The following MDN1 variants were observed in gnomAD, a reference collection of about 807,000 sequenced individuals.
MDN1 encodes midasin.
MDN1 carries 266 observed loss-of-function variants against 669.2 expected under a neutral mutation model. The ratio of observed to expected loss-of-function variants is 0.40; its 90% CI spans 0.36 to 0.44. The LOEUF is 0.44. Among genes scored for constraint, MDN1 ranks in the 20% least tolerant of loss-of-function variants. The probability of loss-of-function intolerance (pLI) is 1.00; values close to 1 mark genes in which losing one functional copy is unlikely to be tolerated. For missense variants in MDN1, 5,940 were observed against 6,754.0 expected, an observed-to-expected ratio of 0.88 and a Z score of 4.22; for synonymous variants, 2,385 against 2,457.1, an observed-to-expected ratio of 0.97 and a Z score of 0.87.
rs1382199438 is a variant in MDN1 at position 89,674,389 on chromosome 6, C to A, written c.12962G>T (p.Gly4321Val). Residue 4321 changes from glycine (G) to valine (V), a missense_variant, in exon 79 of 102, where the codon GGC becomes GTC. By Grantham distance (109) the Gly-to-Val change is moderately radical. Around this residue, in one of 5 missense-constraint regions of MDN1, gnomAD observed 2,280 missense variants for 2,576.3 expected, o/e 0.88. Coordinates refer to ENST00000369393, the MANE Select transcript of MDN1 (RefSeq NM_014611.3). ...AGGCTGCCCCAGTACCTGGACATTG[C>A]CATGGCCTGGAGCTGGCCCTACACT... ...CPSVGPAPGH[G>V]NVQVLGQPPG... The A allele has an allele frequency of 6.2e-7, 1 of 1,614,198 alleles. No homozygotes were observed. Among genetic ancestry groups the A allele is most frequent in the Admixed American group, 1.7e-5 (1 of 60,024 alleles).
chr6:89,648,191 G>A lies in MDN1; in HGVS notation c.16281-45C>T, dbSNP rs1226514254. ...ATACAACAGGAGTTATTTTTTGGCT[G>A]TGTGATCAAAATAACCAAACAGGTT... On this transcript the variant is annotated intron_variant, in intron 98 of 101. Transcript: ENST00000369393. 3.1e-6 allele frequency: 5 copies of A among 1,605,870 alleles called. No homozygotes were observed. In the African/African-American group the frequency reaches 4.0e-5, roughly 13 times the overall value.
rs1462658186 is a variant in MDN1 at position 89,680,753 on chromosome 6, T to C, written c.12103-2A>G. On this transcript the variant is annotated splice_acceptor_variant, in intron 73 of 101. Transcript: ENST00000369393. LOFTEE classifies it high-confidence loss of function. ...CTGACACCACTCTGGAATTGTGGCC[T>C]GTGAGACAAAAGACAGGTTAGCCTC... The C allele has an allele frequency of 6.2e-7, 1 of 1,613,204 alleles. No homozygotes were observed. Among genetic ancestry groups the C allele is most frequent in the Non-Finnish European group, 8.5e-7 (1 of 1,179,642 alleles).
At chr6:89,758,438 G>T in intron 18 of MDN1, 87 bp from the exon 19 acceptor site, 1 of 1,065,844 alleles carries the variant, frequency 9.4e-7, no homozygotes, top group East Asian at 2.6e-5. Context: ...GATGCTGGCT[G>T]CTCACACCAT....
chr6:89,723,450 G>T, intron 39 of MDN1, 62 bp downstream of exon 39: 2 of 1,043,224 alleles, frequency 1.9e-6, no homozygotes, highest in Non-Finnish European at 2.7e-6. Flanking sequence ...ACTCTATGTT[G>T]AAAAAATACT....
At chr6:89,698,361 A>C in intron 59 of MDN1, among the ~76,000 whole-genome samples, 1 of 152,262 alleles carries the variant, frequency 6.6e-6, no homozygotes, top group Non-Finnish European at 1.5e-5. Flanking sequence ...AAATGCAAGA[A>C]ACTTCAACAC....
At chr6:89,818,040 G>C (rs923853762) in intron 1 of MDN1, among the ~76,000 whole-genome samples, 2 of 152,100 alleles carry the variant, frequency 1.3e-5, no homozygotes, top group Admixed American at 1.3e-4. Context: ...CTTCAGGGCA[G>C]GGCGCTGTGG....
In MDN1 at chr6:89,661,647, A is replaced by G; in HGVS notation, c.14566-69T>C. 4.9e-6 allele frequency: 7 copies of G among 1,436,108 alleles called. No homozygotes were observed. In the South Asian group the frequency reaches 5.4e-5, roughly 11 times the overall value. The allele number at this position is 1,436,108 out of a possible 1,614,324, so 89.0% of individuals were successfully genotyped here. A position where few individuals can be genotyped will look rare whatever the true frequency, so the allele number is the denominator to read the frequency against. On this transcript the variant is annotated intron_variant, in intron 87 of 101. Coordinates refer to ENST00000369393, the MANE Select transcript of MDN1 (RefSeq NM_014611.3). ...TATTTTTTTAAAAAGTAGAATTCCC[A>G]TAAAATCAGCTCTAAGTATTTACAC... is the stretch of plus-strand genomic sequence containing the variant.
intron 15 of MDN1, among the ~76,000 whole-genome samples, chr6:89,765,496 T>C (rs143226143): frequency 1.6e-4 from 25 of 152,354 alleles, no homozygotes; most frequent in African/African-American, 6.0e-4. Context: ...CTTTTTATTC[T>C]AAAGATAAAG....
chr6:89,769,014 G>A (rs1037626709), intron 15 of MDN1, among the ~76,000 whole-genome samples: 12 of 151,520 alleles, frequency 7.9e-5, no homozygotes, highest in Non-Finnish European at 1.2e-4. Flanking sequence ...TGTTTATGCC[G>A]CTGCACTCCA....
chr6:89,815,354 A>G, intron 1 of MDN1: 1 of 460,588 alleles, frequency 2.2e-6, no homozygotes, highest in Non-Finnish European at 4.3e-6. Flanking sequence ...ATGGCGGAAG[A>G]GAGTGGTGAA....
rs1272017290 is a variant in MDN1 at position 89,698,871 on chromosome 6, T to C, written c.9162A>G (p.Thr3054=). 1 of 1,613,746 alleles carries C rather than the reference T, an allele frequency of 6.2e-7. No homozygotes were observed. ...TAATTTTAGACCAACAAACCTTCAA[T>C]GTGGAGTCCAAAACAGACTTGGGTG... ...REAPKSVLDS[T]LKGPGNLNRP... The change falls in exon 59 of 102, where the codon ACA becomes ACG. Residue 3054 remains threonine, a synonymous_variant. Transcript: ENST00000369393.
intron 73 of MDN1, among the ~76,000 whole-genome samples, chr6:89,682,725 A>AAAAAAAAAAC (rs1811719868): frequency 7.0e-6 from 1 of 142,696 alleles, no homozygotes; most frequent in Non-Finnish European, 1.6e-5. Flanking sequence ...AAAAAAAAAA[A>AAAAAAAAAAC]AACTAAAAGT....
At chr6:89,774,532 T>C in intron 13 of MDN1, 89 bp downstream of exon 13, 1 of 937,138 alleles carries the variant, frequency 1.1e-6, no homozygotes, top group Non-Finnish European at 1.7e-6. Flanking sequence ...CAGACATGTG[T>C]TTTGCACAAA....
chr6:89,646,646 T>C, intron 99 of MDN1, 43 bp from the exon 100 acceptor site: 2 of 1,516,512 alleles, frequency 1.3e-6, no homozygotes, highest in South Asian at 2.2e-5. Flanking sequence ...ACTATGTGAA[T>C]GCTCTTCTCA....
intron 41 of MDN1, 48 bp from the exon 42 acceptor site, chr6:89,719,078 G>A (rs1008116000): frequency 3.7e-6 from 6 of 1,613,536 alleles, no homozygotes; most frequent in South Asian, 2.2e-5. Context: ...CTGGTAGTGG[G>A]AGCAGAAGAA....
At chr6:89,760,268 T>C (rs895570099) in intron 17 of MDN1, among the ~76,000 whole-genome samples, 2 of 152,148 alleles carry the variant, frequency 1.3e-5, no homozygotes, top group Admixed American at 6.5e-5. Context: ...TGATCCTTCC[T>C]ACAGGGTCAC....
In MDN1 at chr6:89,714,725, T is replaced by C. The variant is rs1380252155; in HGVS notation, c.6887A>G (p.His2296Arg). The C allele has an allele frequency of 3.1e-6, 5 of 1,612,778 alleles. No individual in the cohort carries two copies. The East Asian group carries it at 8.9e-5, about 29-fold the overall frequency. ...FRLFLSMDPV[H>R]GDISRAMRNR... is the part of the protein sequence containing the mutation. ...CCTCATAGCTCGGGATATATCTCCATGAACAGGATCCATCGAGAGGAAAAG... is the reference window on the plus strand; with the variant it reads ...CCTCATAGCTCGGGATATATCTCCACGAACAGGATCCATCGAGAGGAAAAG... Residue 2296 changes from histidine (H) to arginine (R), a missense_variant, in exon 46 of 102, where the codon CAT (histidine) becomes CGT (arginine). Coordinates refer to ENST00000369393, the MANE Select transcript of MDN1 (RefSeq NM_014611.3).
At chr6:89,672,950 C>T (rs1810924423) in intron 80 of MDN1, among the ~76,000 whole-genome samples, 1 of 152,154 alleles carries the variant, frequency 6.6e-6, no homozygotes. Flanking sequence ...TGAATAAACA[C>T]TAACTTAGTC....
At position 89,696,404 on chromosome 6, in the gene MDN1, C is replaced by T. The variant is rs780222744; in HGVS notation, c.9339G>A (p.Ser3113=). The part of the protein sequence containing the change: ...ERTQQLQDIS[S]MLWTNMAISS... ...AGATAGCCATGTTAGTCCAAAGCAT[C>T]GAACTGATGTCCTGGAGCTGCTGAG... The change falls in exon 60 of 102, where the codon TCG becomes TCA. Residue 3113 remains serine, a synonymous_variant. Transcript: ENST00000369393. The T allele has an allele frequency of 9.9e-6, 16 of 1,613,996 alleles. No individual in the cohort carries two copies. In the East Asian group the frequency reaches 1.8e-4, roughly 18 times the overall value.
Sources: allele counts gnomAD v4.1 joint callset (sites outside exome capture counted in the v4.1 genomes callset), GRCh38; gene constraint gnomAD v4.1.1; regional missense constraint gnomAD v4.1.1; transcripts MANE v1.5; gene names NCBI Gene and HGNC (gene_info 2026-07-23, HGNC 2026-07-21).